The following NRXN3 variants were observed in gnomAD, a reference collection of about 807,000 sequenced individuals.
The protein encoded by NRXN3 is neurexin 3.
In NRXN3, 32 loss-of-function variants were observed where a neutral mutation model predicts 137.6. The ratio of observed to expected loss-of-function variants is 0.23; its 90% CI spans 0.18 to 0.31. NRXN3 has a LOEUF of 0.31. Ranked by LOEUF, NRXN3 falls within the 10% of genes least tolerant of loss-of-function variation. The pLI, the probability that NRXN3 is intolerant of heterozygous loss-of-function variation, is 1.00. For synonymous variants in NRXN3, 798 were observed against 784.5 expected, an observed-to-expected ratio of 1.02 and a Z score of -0.29; for missense variants, 1,574 against 2,062.5, an observed-to-expected ratio of 0.76 and a Z score of 4.59.
At chr14:79,406,448 C>G (rs1252324274) in intron 15 of NRXN3, among the ~76,000 whole-genome samples, 1 of 151,976 alleles carries the variant, frequency 6.6e-6, no homozygotes, top group Non-Finnish European at 1.5e-5. Context: ...ATCACAGTTG[C>G]ATGCCACAGT....
intron 10 of NRXN3, among the ~76,000 whole-genome samples, chr14:78,894,418 A>G (rs553425676): frequency 6.8e-4 from 103 of 152,016 alleles, no homozygotes; most frequent in African/African-American, 2.5e-3. Flanking sequence ...AATCCATTCC[A>G]GTTTTATCAT....
At chr14:79,407,717 C>T (rs1298959271) in intron 15 of NRXN3, among the ~76,000 whole-genome samples, 3 of 152,046 alleles carry the variant, frequency 2.0e-5, no homozygotes, top group Admixed American at 6.6e-5. Flanking sequence ...CAGTTGAATC[C>T]TTCTCAAACT....
chr14:78,893,954 G>A (rs2152713672), intron 10 of NRXN3, among the ~76,000 whole-genome samples: 1 of 152,036 alleles, frequency 6.6e-6, no homozygotes, highest in Admixed American at 6.6e-5. Context: ...AAAATAAAAT[G>A]TACATACCCT....
intron 4 of NRXN3, among the ~76,000 whole-genome samples, chr14:78,633,481 C>T (rs2097541199): frequency 6.6e-6 from 1 of 152,160 alleles, no homozygotes. Context: ...ATCCCATCCT[C>T]TTTCACCTAT....
chr14:79,065,525 C>G (rs2099679729), intron 15 of NRXN3, among the ~76,000 whole-genome samples: 1 of 152,046 alleles, frequency 6.6e-6, no homozygotes, highest in Non-Finnish European at 1.5e-5. Flanking sequence ...TGAAGTGTAT[C>G]ACTTTGCTAG....
At chr14:78,562,344 C>A (rs762085108) in intron 4 of NRXN3, among the ~76,000 whole-genome samples, 31 of 148,626 alleles carry the variant, frequency 2.1e-4, no homozygotes, top group Middle Eastern at 7.0e-3. Context: ...TTTCAGTGAC[C>A]CAAGATCGCG....
intron 17 of NRXN3, among the ~76,000 whole-genome samples, chr14:79,672,198 T>G (rs1035823955): frequency 6.6e-5 from 10 of 152,058 alleles, no homozygotes; most frequent in African/African-American, 2.4e-4. Context: ...CCATTTTTAG[T>G]AGACTATCTT....
At chr14:78,509,192 G>A (rs2153787378) in intron 4 of NRXN3, among the ~76,000 whole-genome samples, 1 of 152,194 alleles carries the variant, frequency 6.6e-6, no homozygotes, top group Non-Finnish European at 1.5e-5. Context: ...CTAGCTACTT[G>A]GAAGGCTGAG....
chr14:78,674,803 C>T (rs557020096), intron 6 of NRXN3, among the ~76,000 whole-genome samples: 1 of 152,162 alleles, frequency 6.6e-6, no homozygotes, highest in Non-Finnish European at 1.5e-5. Flanking sequence ...TAAAAGTAGT[C>T]CTTTTTGTCC....
intron 1 of NRXN3, among the ~76,000 whole-genome samples, chr14:78,185,014 C>G (rs1365367762): frequency 6.6e-6 from 1 of 152,130 alleles, no homozygotes; most frequent in East Asian, 1.9e-4. Context: ...GAAGGGAATG[C>G]CTTCTGCAAA....
intron 19 of NRXN3, among the ~76,000 whole-genome samples, chr14:79,789,550 G>C (rs2099139075): frequency 6.6e-6 from 1 of 152,146 alleles, no homozygotes. Context: ...TATGGTTCTT[G>C]ATGATATGCT....
At chr14:79,240,663 T>C (rs1387403817) in intron 15 of NRXN3, among the ~76,000 whole-genome samples, 2 of 152,178 alleles carry the variant, frequency 1.3e-5, no homozygotes, top group African/African-American at 4.8e-5. Flanking sequence ...CTGCCCTTTT[T>C]ATGTGCTTGT....
At chr14:79,553,771 T>C (rs148590039) in intron 16 of NRXN3, among the ~76,000 whole-genome samples, 137 of 152,314 alleles carry the variant, frequency 9.0e-4, no homozygotes, top group Non-Finnish European at 1.3e-3. Context: ...ATCCCCTCAC[T>C]GAGTCCCCAT....
intron 15 of NRXN3, among the ~76,000 whole-genome samples, chr14:79,378,311 T>A (rs1280489358): frequency 1.3e-5 from 2 of 152,158 alleles, no homozygotes; most frequent in Non-Finnish European, 2.9e-5. Flanking sequence ...CACACTGAAG[T>A]TGGCTAAGGT....
At chr14:79,599,862 G>C (rs956943152) in intron 16 of NRXN3, among the ~76,000 whole-genome samples, 1 of 152,188 alleles carries the variant, frequency 6.6e-6, no homozygotes, top group African/African-American at 2.4e-5. Flanking sequence ...GGGTGTGGTG[G>C]TACACGCCTG....
intron 15 of NRXN3, among the ~76,000 whole-genome samples, chr14:79,433,669 G>A (rs375185611): frequency 1.3e-4 from 20 of 152,302 alleles, no homozygotes; most frequent in African/African-American, 4.3e-4. Context: ...GGAAGTGAGA[G>A]AGTGATATGA....
intron 4 of NRXN3, among the ~76,000 whole-genome samples, chr14:78,317,867 G>A (rs7148087): frequency 0.76 from 115,339 of 152,050 alleles, 43,835 homozygotes; most frequent in Middle Eastern, 0.86. Flanking sequence ...TTCACCTAAC[G>A]TGATACACCT....
chr14:79,376,200 GT>G, intron 15 of NRXN3, among the ~76,000 whole-genome samples: 1 of 49,728 alleles, frequency 2.0e-5, no homozygotes, highest in Non-Finnish European at 3.8e-5. Context: ...ATGTGGGTGT[GT>G]GTGTGTGTGT....
rs868023884 is a variant in NRXN3, at chr14:78,242,640, C to G, written c.-454C>G. The G allele has an allele frequency of 1.2e-5, 2 of 161,816 alleles. No homozygotes were observed. The highest frequency in any genetic ancestry group is 4.8e-5 in the African/African-American group (2 of 41,676). 10.0% of individuals were successfully genotyped at this position (161,816 alleles called of 1,614,324 possible). A position where few individuals can be genotyped will look rare whatever the true frequency, so the allele number is the denominator to read the frequency against. Reference sequence around the variant, plus strand: ...TCCTCCATCACAGCACCCCGGCCCTCCCTGTCCCTGGCCTCCCTGGCTGGG... The same window carrying G: ...TCCTCCATCACAGCACCCCGGCCCTGCCTGTCCCTGGCCTCCCTGGCTGGG... On this transcript the variant is annotated 5_prime_UTR_variant, in exon 2 of 21. Transcript: ENST00000335750.
Sources: gnomAD v4.1 joint callset for allele counts (sites outside exome capture counted in the v4.1 genomes callset) on GRCh38, gnomAD v4.1.1 for gene constraint, MANE v1.5 for transcripts, NCBI Gene and HGNC (gene_info 2026-07-23, HGNC 2026-07-21) for gene names.